Variants in FAF2 observed in about 807,000 individuals in gnomAD.
FAF2 encodes the protein FAS-associated factor 2.
In FAF2, 9 loss-of-function variants were observed where a neutral mutation model predicts 62.3. The observed-to-expected ratio is 0.14, with a 90% CI of 0.09 to 0.25. FAF2 has a LOEUF of 0.25. Ranked by LOEUF, FAF2 falls within the 10% of genes least tolerant of loss-of-function variation. The pLI is 1.00. For synonymous variants in FAF2, 202 were observed against 198.0 expected, an observed-to-expected ratio of 1.02 and a Z score of -0.17; for missense variants, 368 against 556.2, an observed-to-expected ratio of 0.66 and a Z score of 3.40.
At chr5:176,476,725 T>C (rs1160309907) in intron 1 of FAF2, among the ~76,000 whole-genome samples, 2 of 141,314 alleles carry the variant, frequency 1.4e-5, no homozygotes, top group African/African-American at 2.6e-5. Context: ...CTCTGCCTCC[T>C]GGGTTCAAGC....
intron 1 of FAF2, among the ~76,000 whole-genome samples, chr5:176,457,367 T>A (rs772247532): frequency 2.0e-5 from 3 of 151,956 alleles, no homozygotes; most frequent in Non-Finnish European, 4.4e-5. Flanking sequence ...TTTTTTGTAT[T>A]TTTAGTAGAG....
At chr5:176,471,258 C>A (rs2113726646) in intron 1 of FAF2, among the ~76,000 whole-genome samples, 1 of 152,222 alleles carries the variant, frequency 6.6e-6, no homozygotes, top group South Asian at 2.1e-4. Context: ...ACAATTACTT[C>A]ATATGCAAAC....
intron 1 of FAF2, among the ~76,000 whole-genome samples, chr5:176,449,305 G>C (rs1432963189): frequency 6.6e-6 from 1 of 152,180 alleles, no homozygotes; most frequent in Admixed American, 6.6e-5. Context: ...GGCCAGGAGC[G>C]GTGGCTCACG....
At chr5:176,484,374 C>G (rs1430264468) in intron 2 of FAF2, among the ~76,000 whole-genome samples, 1 of 152,192 alleles carries the variant, frequency 6.6e-6, no homozygotes, top group African/African-American at 2.4e-5. Flanking sequence ...CCCATTCTAC[C>G]TTACCCGGAA....
intron 1 of FAF2, among the ~76,000 whole-genome samples, chr5:176,468,035 G>A (rs1300044042): frequency 6.6e-6 from 1 of 152,038 alleles, no homozygotes; most frequent in African/African-American, 2.4e-5. Context: ...TGTGTTGGTG[G>A]GCACTTACAA....
chr5:176,473,479 T>A (rs1012320577), intron 1 of FAF2, among the ~76,000 whole-genome samples: 3 of 152,210 alleles, frequency 2.0e-5, no homozygotes, highest in Non-Finnish European at 2.9e-5. Context: ...GCAGTAGCGT[T>A]GGTCAGGTTT....
At chr5:176,466,974 T>C (rs1758479103) in intron 1 of FAF2, among the ~76,000 whole-genome samples, 1 of 152,166 alleles carries the variant, frequency 6.6e-6, no homozygotes, top group African/African-American at 2.4e-5. Context: ...CTTCTGTAAT[T>C]AAATGCAGTG....
chr5:176,467,532 A>G (rs1004999213), intron 1 of FAF2, among the ~76,000 whole-genome samples: 2 of 152,140 alleles, frequency 1.3e-5, no homozygotes, highest in South Asian at 2.1e-4. Flanking sequence ...GGGTTTTGCC[A>G]TGTTGGCCAG....
At chr5:176,478,499 TA>T (rs201223035) in intron 1 of FAF2, among the ~76,000 whole-genome samples, 182 of 149,524 alleles carry the variant, frequency 1.2e-3, no homozygotes, top group African/African-American at 3.9e-3. Flanking sequence ...TGGCGGGGGG[TA>T]GGGGGGTCGG....
At chr5:176,481,032 G>T (rs1210381216) in intron 2 of FAF2, among the ~76,000 whole-genome samples, 1 of 151,890 alleles carries the variant, frequency 6.6e-6, no homozygotes, top group African/African-American at 2.4e-5. Flanking sequence ...TTTGCTTTTT[G>T]TTTTTTTATC....
chr5:176,484,210 T>C (rs1758834962), intron 2 of FAF2, among the ~76,000 whole-genome samples: 1 of 152,220 alleles, frequency 6.6e-6, no homozygotes, highest in Non-Finnish European at 1.5e-5. Flanking sequence ...TGAAGTATAG[T>C]AGCCCCCTCC....
At chr5:176,496,371 C>CT in intron 7 of FAF2, 115 bp from the exon 8 acceptor site, 1 of 787,372 alleles carries the variant, frequency 1.3e-6, no homozygotes. Context: ...AATGATACCT[C>CT]TCGTCTTCCC....
In FAF2 at chr5:176,488,984, C is replaced by T. The variant is rs148685647; in HGVS notation, c.301C>T (p.Leu101Phe). The change falls in exon 4 of 11, where the codon CTT becomes TTT. Residue 101 changes from leucine (L) to phenylalanine (F), a missense_variant. Physicochemically the swap from Leu to Phe is conservative, Grantham distance 22. This residue lies in a region of FAF2 where 331 missense variants were observed against 441.9 expected (regional missense o/e 0.75). Transcript: ENST00000261942. ...LLGWGYYLIM[L>F]PFRFTYYTIL... Reference sequence around the variant, plus strand: ...TGGATGGGGTTATTACTTGATAATGCTTCCATTCCGGTTTACCTATTACAC... The same window carrying T: ...TGGATGGGGTTATTACTTGATAATGTTTCCATTCCGGTTTACCTATTACAC... The T allele has an allele frequency of 1.9e-6, 3 of 1,613,834 alleles. No homozygotes were observed. Among genetic ancestry groups the T allele is most frequent in the East Asian group, 2.2e-5 (1 of 44,876 alleles).
intron 1 of FAF2, among the ~76,000 whole-genome samples, chr5:176,461,148 G>A (rs1758370992): frequency 6.6e-6 from 1 of 151,684 alleles, no homozygotes; most frequent in Non-Finnish European, 1.5e-5. Flanking sequence ...TGAGTAGCTG[G>A]GATTACAGGC....
intron 4 of FAF2, among the ~76,000 whole-genome samples, chr5:176,489,775 G>A (rs572932025): frequency 6.6e-6 from 1 of 152,108 alleles, no homozygotes; most frequent in Admixed American, 6.6e-5. Context: ...TTGAGCTCCC[G>A]GCCTCAAGTG....
rs1207017599 is a variant in FAF2, at chr5:176,499,007, A to G, written c.933A>G (p.Lys311=). ...LRADQEKERK[K]REERERKRRK... ...CTGACCAGGAGAAAGAAAGAAAGAA[A>G]CGGGAGGAGCGGGAGCGTAAGCGGC... Residue 311 remains lysine (K), a synonymous_variant, in exon 9 of 11, where the codon AAA becomes AAG. Transcript: ENST00000261942. 2 of 1,613,728 alleles carry G rather than the reference A, an allele frequency of 1.2e-6. No homozygotes were observed. The highest frequency in any genetic ancestry group is 2.7e-5 in the African/African-American group (2 of 75,052).
chr5:176,468,380 C>T (rs999090590), intron 1 of FAF2, among the ~76,000 whole-genome samples: 1 of 151,980 alleles, frequency 6.6e-6, no homozygotes, highest in African/African-American at 2.4e-5. Context: ...GCCAGGAGAT[C>T]AAGACCATCC....
chr5:176,481,844 ATG>A (rs1054765760), intron 2 of FAF2, among the ~76,000 whole-genome samples: 15 of 152,078 alleles, frequency 9.9e-5, no homozygotes, highest in African/African-American at 3.4e-4. Flanking sequence ...TTGTGTGAAT[ATG>A]TGTTTTCATT....
rs1170425831 is a variant in FAF2, at chr5:176,492,217, C to T, written c.368C>T (p.Pro123Leu). Residue 123 changes from proline (P) to leucine (L), a missense_variant, in exon 5 of 11, where the codon CCT (proline) becomes CTT (leucine). Physicochemically the swap from Pro to Leu is moderately conservative, Grantham distance 98 (BLOSUM62 -3). This residue lies in a region of FAF2 where 331 missense variants were observed against 441.9 expected (regional missense o/e 0.75). Coordinates refer to ENST00000261942, the MANE Select transcript of FAF2 (RefSeq NM_014613.3). Reference sequence around the variant, plus strand: ...AGGTTTGCTCTTCGTTTTATACGGCCTGACCCTCGCAGCCGGGTCACTGAC... The same window carrying T: ...AGGTTTGCTCTTCGTTTTATACGGCTTGACCCTCGCAGCCGGGTCACTGAC... ...IFRFALRFIR[P>L]DPRSRVTDPV... The T allele has an allele frequency of 6.2e-7, 1 of 1,614,012 alleles. No homozygotes were observed. Among genetic ancestry groups the T allele is most frequent in the East Asian group, 2.2e-5 (1 of 44,892 alleles).
Sources: allele counts gnomAD v4.1 joint callset (sites outside exome capture counted in the v4.1 genomes callset), GRCh38; gene constraint gnomAD v4.1.1; regional missense constraint gnomAD v4.1.1; transcripts MANE v1.5; gene names NCBI Gene and HGNC (gene_info 2026-07-23, HGNC 2026-07-21).